The following F8 variants were observed in gnomAD, a reference collection of about 807,000 sequenced individuals.
F8 encodes the protein antihemophilic factor.
In F8, 12 loss-of-function variants were observed where a neutral mutation model predicts 140.6. The ratio of observed to expected loss-of-function variants is 0.09; its 90% CI spans 0.05 to 0.14. F8 has a LOEUF of 0.14. Among genes scored for constraint, F8 ranks in the 10% least tolerant of loss-of-function variants. The pLI is 1.00. For synonymous variants in F8, 585 were observed against 614.6 expected (o/e 0.95, Z 0.71); for missense variants, 1,354 against 1,720.7 (o/e 0.79, Z 3.77).
intron 25 of F8, among the ~76,000 whole-genome samples, chrX:154,839,604 C>T (rs1245771686): frequency 2.7e-5 from 3 of 110,732 alleles, no homozygotes; most frequent in South Asian, 3.8e-4. Flanking sequence ...CCTCGTGATC[C>T]ACCCGCCTCG....
chrX:154,987,371 G>A, intron 4 of F8, 66 bp from the exon 5 acceptor site: 1 of 935,761 alleles, frequency 1.1e-6, no homozygotes, highest in East Asian at 3.1e-5. Context: ...TTGTCACTAG[G>A]AGGAGACAGT....
rs1282595463 is a variant in F8, at chrX:154,863,156, G to A, written c.6501C>T (p.Tyr2167=). Residue 2167 remains tyrosine, a synonymous_variant, in exon 23 of 26, where the codon TAC becomes TAT. Transcript: ENST00000360256. The part of the protein sequence containing the change: ...NIFNPPIIAR[Y]IRLHPTHYSI... ...TATAATGAGTTGGGTGCAAACGGATGTATCGAGCAATAATTGGAGGGTTAA... is the reference window on the plus strand; with the variant it reads ...TATAATGAGTTGGGTGCAAACGGATATATCGAGCAATAATTGGAGGGTTAA... 2.6e-5 allele frequency: 31 copies of A among 1,207,164 alleles called. No homozygotes were observed. Among genetic ancestry groups the A allele is most frequent in the Non-Finnish European group, 3.4e-5 (30 of 892,340 alleles).
intron 1 of F8, among the ~76,000 whole-genome samples, chrX:155,015,855 G>T (rs1202407480): frequency 1.8e-5 from 2 of 112,378 alleles, no homozygotes; most frequent in Non-Finnish European, 3.8e-5. Context: ...AAGGACCAAT[G>T]ATTTGAATAG....
In F8 at chrX:154,969,593, G is replaced by T. The variant is rs375003524; in HGVS notation, c.788-41C>A. The T allele has an allele frequency of 4.5e-6, 5 of 1,107,758 alleles. No individual in the cohort carries two copies. The African/African-American group carries it at 9.0e-5, about 20-fold the overall frequency. 91.3% of individuals were successfully genotyped at this position (1,107,758 alleles called of 1,213,427 possible). On this transcript the variant is annotated intron_variant, in intron 6 of 25. Coordinates refer to ENST00000360256, the MANE Select transcript of F8 (RefSeq NM_000132.4). ...AAGACACCTATGGCTATGAAGTAGA[G>T]AATCTGAAATGGAAAACACTTGCTA...
chrX:154,847,652 T>G (rs1328443387), intron 25 of F8, among the ~76,000 whole-genome samples: 2 of 111,936 alleles, frequency 1.8e-5, no homozygotes, highest in Non-Finnish European at 3.8e-5. Context: ...TTTAAGGACT[T>G]CTCTATACTG....
intron 6 of F8, among the ~76,000 whole-genome samples, chrX:154,977,735 G>A (rs1342526836): frequency 9.1e-6 from 1 of 110,014 alleles, no homozygotes; most frequent in Non-Finnish European, 1.9e-5. Context: ...GTGCCCTGGA[G>A]AAGACCTTTT....
chrX:154,846,707 A>G (rs1213618813), intron 25 of F8, among the ~76,000 whole-genome samples: 2 of 111,784 alleles, frequency 1.8e-5, no homozygotes, highest in Admixed American at 1.9e-4. Flanking sequence ...TCCTGAATAC[A>G]GCACACTGAT....
At chrX:154,938,677 G>T (rs5986893) in intron 13 of F8, among the ~76,000 whole-genome samples, 1,122 of 110,630 alleles carry the variant, frequency 0.01, 15 homozygotes, top group African/African-American at 0.035. Flanking sequence ...ACCACAGACT[G>T]GGAGAAAACA....
chrX:154,935,628 G>T (rs1443216796), intron 13 of F8, among the ~76,000 whole-genome samples: 1 of 111,441 alleles, frequency 9.0e-6, no homozygotes, highest in Non-Finnish European at 1.9e-5. Flanking sequence ...GCTAGACAAA[G>T]CCTTCCTAGA....
Position 154,930,781 on chromosome X carries a change from CA to C in F8, c.3008del (p.Leu1003Ter). On this transcript the variant is annotated frameshift_variant, in exon 14 of 26. Coordinates refer to ENST00000360256, the MANE Select transcript of F8 (RefSeq NM_000132.4). LOFTEE classifies it high-confidence loss of function. ...CTTTGAATAAGGCATTATCTTTAGT[CA>C]ACAAAGCAGGTCCATGAGCTCTTTT... ...KGKRAHGPAL[L>X]TKDNALFKVS... The C allele has an allele frequency of 8.3e-7, 1 of 1,211,123 alleles. No individual in the cohort carries two copies. Among genetic ancestry groups the C allele is most frequent in the Non-Finnish European group, 1.1e-6 (1 of 895,013 alleles).
chrX:154,942,719 G>T (rs1370539935), intron 13 of F8, among the ~76,000 whole-genome samples: 2 of 109,342 alleles, frequency 1.8e-5, no homozygotes, highest in Admixed American at 1.9e-4. Flanking sequence ...AACCAAAAAA[G>T]AGAATTTTAG....
chrX:154,875,283 G>A (rs1557273903), intron 22 of F8, among the ~76,000 whole-genome samples: 1 of 111,234 alleles, frequency 9.0e-6, no homozygotes, highest in Admixed American at 9.6e-5. Context: ...AATTAGTTCT[G>A]GAGATCTAAT....
At position 154,929,092 on chromosome X, in the gene F8, C is replaced by G. The variant is rs1557278368; in HGVS notation, c.4698G>C (p.Leu1566=). ...TTGCAGAGCTTTCTGTTGCTACTCT[C>G]AGAAAGGGAACTTTTCCAGGTCTGT... ...EANRPGKVPF[L]RVATESSAKT... The change falls in exon 14 of 26, where the codon CTG becomes CTC. Residue 1566 remains leucine, a synonymous_variant. Transcript: ENST00000360256. The G allele has an allele frequency of 2.5e-6, 3 of 1,209,751 alleles. No individual in the cohort carries two copies. The African/African-American group carries it at 5.3e-5, about 21-fold the overall frequency.
rs868989830 is a variant in F8 at position 154,849,605 on chromosome X, T to A, written c.6900+10827A>T. Among the ~76,000 whole-genome samples, 4 of 110,352 alleles carry A rather than the reference T, an allele frequency of 3.6e-5. No individual in the cohort carries two copies. In the South Asian group the frequency reaches 1.6e-3, roughly 43 times the overall value. On this transcript the variant is annotated intron_variant, in intron 25 of 25. Coordinates refer to ENST00000360256, the MANE Select transcript of F8 (RefSeq NM_000132.4). The stretch of plus-strand genomic sequence containing the variant: ...TCACACCCAGCTACTTTTGCTTTTT[T>A]ATCAATCTGACAATCTTTGTCTTTT...
At chrX:154,922,532 T>C (rs1387319233) in intron 14 of F8, among the ~76,000 whole-genome samples, 1 of 112,079 alleles carries the variant, frequency 8.9e-6, no homozygotes, top group African/African-American at 3.2e-5. Context: ...AAATATATAA[T>C]ATTTCAGGCA....
Position 154,928,782 on chromosome X carries a change from T to C in F8, c.5008A>G (p.Thr1670Ala), listed in dbSNP as rs2073174170. 19 of 1,209,634 alleles carry C rather than the reference T, an allele frequency of 1.6e-5. No individual in the cohort carries two copies. Among genetic ancestry groups the C allele is most frequent in the Non-Finnish European group, 2.0e-5 (18 of 895,036 alleles). Residue 1670 changes from threonine to alanine, a missense_variant, in exon 14 of 26, where the codon ACT becomes GCT. Thr to Ala is a moderately conservative substitution (Grantham distance 58). This residue lies in a region of F8 where 658 missense variants were observed against 666.5 expected (regional missense o/e 0.99). Coordinates refer to ENST00000360256, the MANE Select transcript of F8 (RefSeq NM_000132.4). ...PVLKRHQREI[T>A]RTTLQSDQEE... The stretch of plus-strand genomic sequence containing the variant: ...TGATCTGACTGAAGAGTAGTACGAG[T>C]TATTTCCCGTTGATGGCGTTTCAAG...
At chrX:154,865,594 A>G (rs1417615645) in intron 22 of F8, among the ~76,000 whole-genome samples, 2 of 107,837 alleles carry the variant, frequency 1.9e-5, no homozygotes, top group Non-Finnish European at 3.8e-5. Flanking sequence ...GGGAATGAGT[A>G]AAGTATAGAG....
intron 13 of F8, among the ~76,000 whole-genome samples, chrX:154,937,086 A>C (rs1557279292): frequency 1.8e-5 from 2 of 111,569 alleles, no homozygotes; most frequent in African/African-American, 6.5e-5. Context: ...TATAAAGGGA[A>C]ATTTATGCTT....
Position 154,931,775 on chromosome X carries a change from CT to C in F8, c.2114-100del, listed in dbSNP as rs782663752. Reference sequence around the variant, plus strand: ...CCATTCCCAGATAAATGAAAAAATACTAGTCAGTATCATTATATCACAGGTC... The same window carrying C: ...CCATTCCCAGATAAATGAAAAAATACAGTCAGTATCATTATATCACAGGTC... On this transcript the variant is annotated intron_variant, in intron 13 of 25. Coordinates refer to ENST00000360256, the MANE Select transcript of F8 (RefSeq NM_000132.4). 4.3e-5 allele frequency: 31 copies of C among 715,578 alleles called. 1 individual carries two copies. In the South Asian group the frequency reaches 6.4e-4, roughly 15 times the overall value. The allele number at this position is 715,578 out of a possible 1,213,427, so 59.0% of individuals were successfully genotyped here.
Sources: gnomAD v4.1 joint callset for allele counts (sites outside exome capture counted in the v4.1 genomes callset) on GRCh38, gnomAD v4.1.1 for gene constraint, gnomAD v4.1.1 regional missense constraint, MANE v1.5 for transcripts, NCBI Gene and HGNC (gene_info 2026-07-23, HGNC 2026-07-21) for gene names.